Variants in PBX1 observed in about 807,000 individuals in gnomAD.
PBX1 encodes the protein pre-B-cell leukemia transcription factor 1.
In PBX1, 6 loss-of-function variants were observed where a neutral mutation model predicts 53.4. That is an observed-to-expected ratio of 0.11 (90% CI 0.06 to 0.22). PBX1 has a LOEUF of 0.22. Ranked by LOEUF, PBX1 falls within the 10% of genes least tolerant of loss-of-function variation. The pLI, the probability that PBX1 is intolerant of heterozygous loss-of-function variation, is 1.00. For missense variants in PBX1, 251 were observed against 551.4 expected, an observed-to-expected ratio of 0.46 and a Z score of 5.46; for synonymous variants, 204 against 212.3, an observed-to-expected ratio of 0.96 and a Z score of 0.34.
chr1:164,788,270 C>T (rs1045390174), intron 2 of PBX1, among the ~76,000 whole-genome samples: 3 of 152,114 alleles, frequency 2.0e-5, no homozygotes, highest in African/African-American at 7.2e-5. Flanking sequence ...TAAAAAGGAG[C>T]TTTTAAATAA....
chr1:164,636,622 C>T (rs562365036), intron 2 of PBX1, among the ~76,000 whole-genome samples: 4 of 152,266 alleles, frequency 2.6e-5, no homozygotes, highest in African/African-American at 7.2e-5. Flanking sequence ...CACCTTGTTG[C>T]TGGCTGCAGA....
intron 2 of PBX1, among the ~76,000 whole-genome samples, chr1:164,719,672 T>C (rs564287553): frequency 2.2e-4 from 34 of 152,146 alleles, no homozygotes; most frequent in Non-Finnish European, 3.7e-4. Context: ...CTGTTAGTAA[T>C]GTTGTTTTTG....
chr1:164,865,834 C>A (rs567384402), intron 2 of PBX1, among the ~76,000 whole-genome samples: 6 of 152,166 alleles, frequency 3.9e-5, no homozygotes, highest in Non-Finnish European at 7.4e-5. Context: ...AGAAAGAATT[C>A]TTGCCTCAGT....
At position 164,800,190 on chromosome 1, in the gene PBX1, G is replaced by A. The variant is rs567045540; in HGVS notation, c.701+301G>A. ...CACTAGGTACCTCTTTTACAGTTGC[G>A]TCTTATAACTATGGGCCTGCAGCTG... is the stretch of plus-strand genomic sequence containing the variant. On this transcript the variant is annotated intron_variant, in intron 4 of 8. Coordinates refer to ENST00000420696, the MANE Select transcript of PBX1 (RefSeq NM_002585.4). Among the ~76,000 whole-genome samples the A allele has an allele frequency of 9.2e-5, 14 of 152,224 alleles. No individual in the cohort carries two copies. In the South Asian group the frequency reaches 1.9e-3, roughly 20 times the overall value.
chr1:164,686,330 C>A (rs1662093155), intron 2 of PBX1, among the ~76,000 whole-genome samples: 1 of 152,176 alleles, frequency 6.6e-6, no homozygotes, highest in Admixed American at 6.5e-5. Context: ...TGTCAAATAT[C>A]AACATTTTAC....
At chr1:164,654,185 T>C (rs1483253207) in intron 2 of PBX1, among the ~76,000 whole-genome samples, 6 of 152,152 alleles carry the variant, frequency 3.9e-5, no homozygotes, top group Non-Finnish European at 5.9e-5. Flanking sequence ...TGAAAAACTT[T>C]GTCACTCCAC....
intron 4 of PBX1, among the ~76,000 whole-genome samples, chr1:164,805,390 T>C (rs2102331936): frequency 6.6e-6 from 1 of 152,208 alleles, no homozygotes; most frequent in African/African-American, 2.4e-5. Context: ...AGACAGCTAC[T>C]AAAAGAAGTG....
At chr1:164,756,011 A>AG in intron 2 of PBX1, among the ~76,000 whole-genome samples, 1 of 151,540 alleles carries the variant, frequency 6.6e-6, no homozygotes, top group East Asian at 1.9e-4. Context: ...AAAAAAAAAA[A>AG]AAAAGAAAGA....
intron 8 of PBX1, among the ~76,000 whole-genome samples, chr1:164,837,440 G>A (rs574768336): frequency 6.6e-6 from 1 of 152,166 alleles, no homozygotes; most frequent in Non-Finnish European, 1.5e-5. Context: ...AGTGTAAGTA[G>A]CATCTGTGTG....
intron 2 of PBX1, among the ~76,000 whole-genome samples, chr1:164,714,392 A>G (rs1571273139): frequency 6.6e-6 from 1 of 152,352 alleles, no homozygotes; most frequent in Non-Finnish European, 1.5e-5. Context: ...TCGTTGGAAC[A>G]GTTATTCTTA....
At chr1:164,774,263 T>C (rs918697353) in intron 2 of PBX1, among the ~76,000 whole-genome samples, 6 of 152,196 alleles carry the variant, frequency 3.9e-5, no homozygotes, top group Non-Finnish European at 5.9e-5. Context: ...AGTGCCTTTT[T>C]TCATGGAATT....
chr1:164,732,413 A>G (rs1311452673), intron 2 of PBX1, among the ~76,000 whole-genome samples: 1 of 152,130 alleles, frequency 6.6e-6, no homozygotes, highest in Non-Finnish European at 1.5e-5. Context: ...CTGTAGGACT[A>G]TTAAAAATGT....
intron 5 of PBX1, 86 bp downstream of exon 5, chr1:164,807,763 A>ACGTC (rs1404484022): frequency 1.0e-5 from 15 of 1,449,102 alleles, no homozygotes; most frequent in African/African-American, 1.4e-5. Context: ...GCTTTACTGG[A>ACGTC]CATTCATGCC....
chr1:164,689,079 C>A (rs1662300193), intron 2 of PBX1, among the ~76,000 whole-genome samples: 1 of 152,224 alleles, frequency 6.6e-6, no homozygotes, highest in South Asian at 2.1e-4. Context: ...GTAATTGGGA[C>A]TCGCCAAAGT....
chr1:164,808,522 T>C (rs1669459869), intron 5 of PBX1, among the ~76,000 whole-genome samples: 1 of 152,206 alleles, frequency 6.6e-6, no homozygotes, highest in Non-Finnish European at 1.5e-5. Context: ...TTAAATGTAC[T>C]GATATTTCCA....
rs546190586 is a variant in PBX1 at position 164,743,734 on chromosome 1, G to C, written c.266-48760G>C. ...AGGGAGCCAAAGGCCTTTATGAAGG[G>C]GATTTTCTACCCATCACATCAATGT... On this transcript the variant is annotated intron_variant, in intron 2 of 8. Transcript: ENST00000420696. 2.6e-3 allele frequency among the ~76,000 whole-genome samples: 401 copies of C among 152,078 alleles called. 4 individuals carry two copies. Among genetic ancestry groups the C allele is most frequent in the African/African-American group, 9.5e-3 (393 of 41,484 alleles).
At chr1:164,792,820 G>A (rs1558010992) in intron 3 of PBX1, 82 bp downstream of exon 3, 2 of 1,067,688 alleles carry the variant, frequency 1.9e-6, no homozygotes, top group East Asian at 5.0e-5. Flanking sequence ...TTGCAGAGAG[G>A]AGCGGCTCAC....
At chr1:164,613,881 C>T (rs1384093277) in intron 2 of PBX1, among the ~76,000 whole-genome samples, 2 of 152,134 alleles carry the variant, frequency 1.3e-5, no homozygotes, top group East Asian at 3.9e-4. Context: ...CCTTCAGCTA[C>T]TCTGTCTTCT....
intron 2 of PBX1, among the ~76,000 whole-genome samples, chr1:164,633,868 A>C (rs557432794): frequency 6.6e-6 from 1 of 152,350 alleles, no homozygotes; most frequent in South Asian, 2.1e-4. Context: ...TGCCTGGTGC[A>C]TGTTAAGCCT....
Sources: allele counts gnomAD v4.1 joint callset (sites outside exome capture counted in the v4.1 genomes callset), GRCh38; gene constraint gnomAD v4.1.1; transcripts MANE v1.5; gene names NCBI Gene and HGNC (gene_info 2026-07-23, HGNC 2026-07-21).